KCNJ10: variants seen among roughly 807,000 people sequenced by gnomAD.
KCNJ10 encodes potassium inwardly rectifying channel subfamily J member 10.
KCNJ10 carries 9 observed loss-of-function variants against 22.2 expected under a neutral mutation model. The observed-to-expected ratio is 0.40, with a 90% CI of 0.24 to 0.71. KCNJ10 has a LOEUF of 0.71. Among genes scored for constraint, KCNJ10 ranks in the 30% least tolerant of loss-of-function variants. The pLI is 0.35. For synonymous variants in KCNJ10, 184 were observed against 187.3 expected (o/e 0.98, Z 0.15); for missense variants, 337 against 482.7 (o/e 0.70, Z 2.83).
At chr1:160,069,021 A>G (rs1398639781) in intron 1 of KCNJ10, among the ~76,000 whole-genome samples, 1 of 152,224 alleles carries the variant, frequency 6.6e-6, no homozygotes, top group East Asian at 1.9e-4. Flanking sequence ...AGACATCTTT[A>G]GTCAGAATTT....
chr1:160,045,973 C>T (rs1557969204), intron 1 of KCNJ10, among the ~76,000 whole-genome samples: 2 of 152,174 alleles, frequency 1.3e-5, no homozygotes, highest in Non-Finnish European at 2.9e-5. Context: ...TGGACAAGCA[C>T]TTTGCAGAGA....
At chr1:160,061,761 T>C (rs989880017) in intron 1 of KCNJ10, among the ~76,000 whole-genome samples, 1 of 20,312 alleles carries the variant, frequency 4.9e-5, no homozygotes, top group African/African-American at 1.9e-4. Flanking sequence ...GAAAGGGGGG[T>C]GGGGTGGAGG....
chr1:160,040,882 G>A lies in KCNJ10; in HGVS notation c.*511C>T, dbSNP rs1345357767. On this transcript the variant is annotated 3_prime_UTR_variant, in exon 2 of 2. Coordinates refer to ENST00000644903, the MANE Select transcript of KCNJ10 (RefSeq NM_002241.5). ...GCAAACCCTGGCTTCTTTCAACAGA[G>A]ATTGGTAGAAACCCTAGGATATGTT... 3.0e-6 allele frequency: 1 copy of A among 333,430 alleles called. No homozygotes were observed. The allele number at this position is 333,430 out of a possible 1,614,324, so 20.7% of individuals were successfully genotyped here. A position where few individuals can be genotyped will look rare whatever the true frequency, so the allele number is the denominator to read the frequency against.
intron 1 of KCNJ10, among the ~76,000 whole-genome samples, chr1:160,049,476 T>C (rs1422657904): frequency 6.6e-6 from 1 of 151,428 alleles, no homozygotes; most frequent in Non-Finnish European, 1.5e-5. Context: ...TCTTTCAGAG[T>C]CCAGTTCAAA....
At position 160,049,665 on chromosome 1, in the gene KCNJ10, TTTTA is replaced by T. The variant is rs765118576; in HGVS notation, c.1-7137_1-7134del. On this transcript the variant is annotated intron_variant, in intron 1 of 1. Coordinates refer to ENST00000644903, the MANE Select transcript of KCNJ10 (RefSeq NM_002241.5). The stretch of plus-strand genomic sequence containing the variant: ...AGGTCATTGAAAGAAGGATCCAGCA[TTTTA>T]TTTATTTATATATATATATATATAT... Among the ~76,000 whole-genome samples the T allele has an allele frequency of 1.8e-3, 130 of 73,240 alleles. 4 individuals carry two copies. The highest frequency in any genetic ancestry group is 2.4e-3 in the African/African-American group (48 of 19,756). 48.0% of individuals were successfully genotyped at this position (73,240 alleles called of 152,430 possible).
At chr1:160,060,146 C>G (rs1438810433) in intron 1 of KCNJ10, among the ~76,000 whole-genome samples, 1 of 152,060 alleles carries the variant, frequency 6.6e-6, no homozygotes, top group African/African-American at 2.4e-5. Context: ...CTCTCTGCCC[C>G]CTCTCAACTT....
intron 1 of KCNJ10, among the ~76,000 whole-genome samples, chr1:160,065,297 C>G (rs376235869): frequency 1.3e-5 from 2 of 152,100 alleles, no homozygotes; most frequent in Non-Finnish European, 2.9e-5. Flanking sequence ...CAAGAATAAG[C>G]GATCAGAAAT....
Position 160,041,494 on chromosome 1 carries a change from C to A in KCNJ10, c.1039G>T (p.Val347Leu). The A allele has an allele frequency of 2.5e-6, 4 of 1,614,168 alleles. No homozygotes were observed. The highest frequency in any genetic ancestry group is 3.4e-6 in the Non-Finnish European group (4 of 1,179,990). Residue 347 changes from valine to leucine, a missense_variant, in exon 2 of 2, where the codon GTA becomes TTA. By Grantham distance (32) the Val-to-Leu change is conservative (BLOSUM62 1). Transcript: ENST00000644903. The surrounding 1 kb of genome is among the most constrained non-coding windows in gnomAD (Gnocchi z 4.4). ...ASPSGLRDST[V>L]RYGDPEKLKL... is the part of the protein sequence containing the mutation. ...AGCTTTTCAGGGTCTCCGTAGCGTA[C>A]AGTGCTGTCACGGAGGCCACTAGGA...
At chr1:160,055,290 AG>A (rs1175693208) in intron 1 of KCNJ10, among the ~76,000 whole-genome samples, 1 of 152,098 alleles carries the variant, frequency 6.6e-6, no homozygotes. Context: ...CAGCCAGTCT[AG>A]GGGGGGCAGG....
Position 160,042,156 on chromosome 1 carries a change from T to C in KCNJ10, c.377A>G (p.Gln126Arg). The C allele has an allele frequency of 6.3e-7, 1 of 1,587,750 alleles. No individual in the cohort carries two copies. The highest frequency in any genetic ancestry group is 8.6e-7 in the Non-Finnish European group (1 of 1,164,696). The change falls in exon 2 of 2, where the codon CAA becomes CGA. Residue 126 changes from glutamine to arginine, a missense_variant. By Grantham distance (43) the Gln-to-Arg change is conservative. Around this residue, in one of 3 missense-constraint regions of KCNJ10, gnomAD observed 165 missense variants for 281.5 expected, o/e 0.59. Transcript: ENST00000644903. ...GCGGAAGCCATAGCCAATGGTGGTT[T>C]GGGATTCAAGGGAGAAGAGGAAGGC... Reference protein sequence around the residue: ...TGAFLFSLESQTTIGYGFRYI... With the variant: ...TGAFLFSLESRTTIGYGFRYI...
intron 1 of KCNJ10, among the ~76,000 whole-genome samples, chr1:160,043,317 C>CT (rs1375230788): frequency 2.6e-5 from 2 of 78,376 alleles, no homozygotes; most frequent in African/African-American, 4.5e-5. Context: ...ACACACACAA[C>CT]CTTAATTTCT....
chr1:160,038,061 G>T lies in KCNJ10; in HGVS notation c.*3332C>A, dbSNP rs1396635431. The T allele has an allele frequency of 3.9e-5, 6 of 152,222 alleles. No individual in the cohort carries two copies. Among genetic ancestry groups the T allele is most frequent in the African/African-American group, 1.2e-4 (5 of 41,456 alleles). The allele number at this position is 152,222 out of a possible 1,614,324, so 9.4% of individuals were successfully genotyped here. ...GCTGCTTGCAGCCACACAAAAGGCT[G>T]GGCCTTGACCTTGGGAGATCTTCAG... On this transcript the variant is annotated 3_prime_UTR_variant, in exon 2 of 2. Transcript: ENST00000644903.
intron 1 of KCNJ10, among the ~76,000 whole-genome samples, chr1:160,057,042 G>A (rs538916894): frequency 6.6e-6 from 1 of 152,148 alleles, no homozygotes. Flanking sequence ...TCACTTACTA[G>A]CTAGGGGAAC....
chr1:160,065,786 G>T (rs560635815), intron 1 of KCNJ10, among the ~76,000 whole-genome samples: 6 of 152,270 alleles, frequency 3.9e-5, no homozygotes, highest in Admixed American at 3.9e-4. Context: ...AGATGTGTCT[G>T]GGTAGAGAAA....
At chr1:160,065,496 G>C (rs1234011426) in intron 1 of KCNJ10, among the ~76,000 whole-genome samples, 1 of 152,152 alleles carries the variant, frequency 6.6e-6, no homozygotes. Flanking sequence ...GCCATGCATG[G>C]AGAACCCTGG....
chr1:160,065,889 A>C (rs1303747766), intron 1 of KCNJ10, among the ~76,000 whole-genome samples: 2 of 152,046 alleles, frequency 1.3e-5, no homozygotes, highest in Non-Finnish European at 2.9e-5. Context: ...AGGGGGCTGG[A>C]GTCAGGGAGG....
intron 1 of KCNJ10, among the ~76,000 whole-genome samples, chr1:160,054,248 C>T (rs1648972497): frequency 6.6e-6 from 1 of 152,324 alleles, no homozygotes; most frequent in South Asian, 2.1e-4. Context: ...TAATCATTGT[C>T]TGGGCCAGCA....
chr1:160,061,761 T>TGGGGGGGGG (rs1557973898), intron 1 of KCNJ10, among the ~76,000 whole-genome samples: 1 of 20,312 alleles, frequency 4.9e-5, no homozygotes, highest in East Asian at 1.8e-3. Flanking sequence ...GAAAGGGGGG[T>TGGGGGGGGG]GGGGTGGAGG....
chr1:160,048,663 T>C (rs1408428394), intron 1 of KCNJ10, among the ~76,000 whole-genome samples: 1 of 152,258 alleles, frequency 6.6e-6, no homozygotes, highest in Non-Finnish European at 1.5e-5. Context: ...TTTCTTCTCC[T>C]ACTTGCTGCT....
Sources: allele counts gnomAD v4.1 joint callset (sites outside exome capture counted in the v4.1 genomes callset), GRCh38; gene constraint gnomAD v4.1.1; regional missense constraint gnomAD v4.1.1; non-coding constraint Gnocchi (gnomAD v3.1); transcripts MANE v1.5; gene names NCBI Gene and HGNC (gene_info 2026-07-23, HGNC 2026-07-21).